CNOT9: variants seen among roughly 807,000 people sequenced by gnomAD.
The protein encoded by CNOT9 is CCR4-NOT transcription complex subunit 9.
CNOT9 carries 8 observed loss-of-function variants against 37.4 expected under a neutral mutation model. The observed-to-expected ratio is 0.21, with a 90% CI of 0.13 to 0.39. CNOT9 has a LOEUF of 0.39. CNOT9 is among the 10% of genes least tolerant of loss of function. The pLI is 1.00. For synonymous variants in CNOT9, 120 were observed against 137.6 expected, an observed-to-expected ratio of 0.87 and a Z score of 0.90; for missense variants, 154 against 365.3, an observed-to-expected ratio of 0.42 and a Z score of 4.71.
intron 1 of CNOT9, among the ~76,000 whole-genome samples, chr2:218,576,358 G>A (rs1002552294): frequency 2.0e-5 from 3 of 152,074 alleles, no homozygotes; most frequent in Admixed American, 6.6e-5. Context: ...TCCTATATGT[G>A]TGTTACAAAA....
rs1694933379 is a variant in CNOT9, at chr2:218,596,666, C to T, written c.*2390C>T. 1 of 152,116 alleles carries T rather than the reference C, an allele frequency of 6.6e-6. No homozygotes were observed. Among genetic ancestry groups the T allele is most frequent in the African/African-American group, 2.4e-5 (1 of 41,406 alleles). The allele number at this position is 152,116 out of a possible 1,614,324, so 9.4% of individuals were successfully genotyped here. On this transcript the variant is annotated 3_prime_UTR_variant, in exon 8 of 8. Coordinates refer to ENST00000273064, the MANE Select transcript of CNOT9 (RefSeq NM_005444.3). ...GGGAGGCTGGGAGGGGGATGATGCC[C>T]CTTACCTGATAAAAGTATGTTTTAC...
intron 1 of CNOT9, chr2:218,572,615 A>G: frequency 1.1e-6 from 1 of 877,430 alleles, no homozygotes; most frequent in Non-Finnish European, 1.4e-6. Flanking sequence ...TAGGCGACAT[A>G]GTGAGACCCT....
Position 218,595,895 on chromosome 2 carries a change from G to A in CNOT9, c.*1619G>A, listed in dbSNP as rs937743295. Reference sequence around the variant, plus strand: ...TAGTAATTAAGTGGCCTAGATATAGGAAGGGCAGAATAAGCACTTACTCCC... The same window carrying A: ...TAGTAATTAAGTGGCCTAGATATAGAAAGGGCAGAATAAGCACTTACTCCC... On this transcript the variant is annotated 3_prime_UTR_variant, in exon 8 of 8. Coordinates refer to ENST00000273064, the MANE Select transcript of CNOT9 (RefSeq NM_005444.3). The A allele has an allele frequency of 4.6e-5, 7 of 152,168 alleles. No individual in the cohort carries two copies. Among genetic ancestry groups the A allele is most frequent in the Non-Finnish European group, 1.0e-4 (7 of 68,046 alleles). The allele number at this position is 152,168 out of a possible 1,614,324, so 9.4% of individuals were successfully genotyped here.
chr2:218,579,792 T>G (rs1694306141), intron 1 of CNOT9, among the ~76,000 whole-genome samples: 1 of 151,676 alleles, frequency 6.6e-6, no homozygotes, highest in Admixed American at 6.6e-5. Context: ...TGGCCCAGTT[T>G]TCTGCATTTA....
intron 3 of CNOT9, among the ~76,000 whole-genome samples, 196 bp downstream of exon 3, chr2:218,583,282 T>G (rs1347615755): frequency 7.3e-6 from 1 of 137,778 alleles, no homozygotes; most frequent in African/African-American, 2.8e-5. Context: ...TCTCTCTCTC[T>G]CTCTCCTGGT....
At chr2:218,577,280 C>A (rs749718054) in intron 1 of CNOT9, among the ~76,000 whole-genome samples, 1 of 152,106 alleles carries the variant, frequency 6.6e-6, no homozygotes, top group Non-Finnish European at 1.5e-5. Flanking sequence ...GTGTAACTTA[C>A]TGCTGTTATT....
Position 218,587,638 on chromosome 2 carries a change from A to G in CNOT9, c.483A>G (p.Thr161=), listed in dbSNP as rs1423969345. Residue 161 remains threonine, a synonymous_variant, in exon 5 of 8, where the codon ACA becomes ACG. Coordinates refer to ENST00000273064, the MANE Select transcript of CNOT9 (RefSeq NM_005444.3). ...EQEVINFLLT[T]EIIPLCLRIM... ...AAGTAATCAACTTTTTATTAACAAC[A>G]GAAATTATCCCTTTATGTTTGCGAA... 6.2e-7 allele frequency: 1 copy of G among 1,610,212 alleles called. No homozygotes were observed. Among genetic ancestry groups the G allele is most frequent in the Admixed American group, 1.7e-5 (1 of 59,594 alleles).
At chr2:218,587,312 G>A (rs1434827403) in intron 4 of CNOT9, 5 of 270,720 alleles carry the variant, frequency 1.8e-5, no homozygotes, top group African/African-American at 2.3e-5. Flanking sequence ...TAGTAGAGAC[G>A]GGGTTTCACC....
Position 218,584,856 on chromosome 2 carries a change from C to T in CNOT9, c.430+135C>T, listed in dbSNP as rs1316668704. The T allele has an allele frequency of 6.3e-5, 43 of 680,766 alleles. 1 individual carries two copies. The South Asian group carries it at 7.0e-4, about 11-fold the overall frequency. The allele number at this position is 680,766 out of a possible 1,614,324, so 42.2% of individuals were successfully genotyped here. A position where few individuals can be genotyped will look rare whatever the true frequency, so the allele number is the denominator to read the frequency against. On this transcript the variant is annotated intron_variant, in intron 4 of 7. Coordinates refer to ENST00000273064, the MANE Select transcript of CNOT9 (RefSeq NM_005444.3). ...CTTTGAGGTTGTCTCATTCACTAAT[C>T]AATAAGTATCAGGAACATGATGACT... is the stretch of plus-strand genomic sequence containing the variant.
chr2:218,589,265 C>T (rs946411755), intron 5 of CNOT9: 1 of 152,156 alleles, frequency 6.6e-6, no homozygotes, highest in African/African-American at 2.4e-5. Context: ...ACAGGGGCCA[C>T]ACTAATCTTC....
chr2:218,590,825 TG>T (rs398043044), intron 5 of CNOT9, among the ~76,000 whole-genome samples: 12 of 151,098 alleles, frequency 7.9e-5, no homozygotes, highest in African/African-American at 2.9e-4. Context: ...GTTGTTGTTT[TG>T]TTTGTTTGTT....
chr2:218,593,498 C>T (rs942534301), intron 7 of CNOT9: 1 of 1,363,110 alleles, frequency 7.3e-7, no homozygotes, highest in African/African-American at 1.4e-5. Context: ...TAAAATAGCT[C>T]TACACATAGT....
rs376194599 is a variant in CNOT9, at chr2:218,583,125, T to C, written c.320+39T>C. 2.6e-5 allele frequency: 33 copies of C among 1,279,672 alleles called. No homozygotes were observed. In the East Asian group the frequency reaches 6.5e-4, roughly 25 times the overall value. The allele number at this position is 1,279,672 out of a possible 1,614,324, so 79.3% of individuals were successfully genotyped here. On this transcript the variant is annotated intron_variant, in intron 3 of 7. Transcript: ENST00000273064. ...GTGAGTCACTTGGGGGAGATATACA[T>C]TGAATATGGTCCTAAACGTTCTCTG...
intron 1 of CNOT9, 60 bp from the exon 2 acceptor site, chr2:218,580,501 A>G (rs1694338798): frequency 2.1e-6 from 3 of 1,402,486 alleles, no homozygotes; most frequent in Non-Finnish European, 2.9e-6. Flanking sequence ...ACTCTGTTGC[A>G]GGGTAAGACT....
At chr2:218,572,944 C>T (rs550549053) in intron 1 of CNOT9, among the ~76,000 whole-genome samples, 27 of 152,264 alleles carry the variant, frequency 1.8e-4, no homozygotes, top group African/African-American at 2.6e-4. Context: ...TTTCTCCTCC[C>T]GAGTCTCCTG....
At chr2:218,569,704 C>T (rs577511089) in intron 1 of CNOT9, among the ~76,000 whole-genome samples, 1 of 152,322 alleles carries the variant, frequency 6.6e-6, no homozygotes, top group Non-Finnish European at 1.5e-5. Context: ...CCACCTAACC[C>T]TCTGCAACGC....
At chr2:218,591,183 A>G (rs766282437) in intron 5 of CNOT9, among the ~76,000 whole-genome samples, 4 of 152,106 alleles carry the variant, frequency 2.6e-5, no homozygotes, top group Non-Finnish European at 4.4e-5. Context: ...AGCCTACTAC[A>G]GTGTTATAAC....
At chr2:218,587,380 C>A in intron 4 of CNOT9, 13 of 1,083,504 alleles carry the variant, frequency 1.2e-5, no homozygotes, top group Non-Finnish European at 1.4e-5. Flanking sequence ...GCCTCGGCCT[C>A]CCAAAGTGCT....
intron 1 of CNOT9, among the ~76,000 whole-genome samples, chr2:218,573,147 G>A (rs754278435): frequency 6.6e-6 from 1 of 151,952 alleles, no homozygotes; most frequent in East Asian, 1.9e-4. Context: ...GTGAAACCCC[G>A]TCTTTGCTAA....
Sources: gnomAD v4.1 joint callset for allele counts (sites outside exome capture counted in the v4.1 genomes callset) on GRCh38, gnomAD v4.1.1 for gene constraint, MANE v1.5 for transcripts, NCBI Gene and HGNC (gene_info 2026-07-23, HGNC 2026-07-21) for gene names.